The following BOLL variants were observed in gnomAD, a reference collection of about 807,000 sequenced individuals.
BOLL encodes the protein boule RNA binding protein, also known as protein boule-like.
BOLL carries 23 observed loss-of-function variants against 44.4 expected under a neutral mutation model. That is an observed-to-expected ratio of 0.52 (90% CI 0.37 to 0.73). The LOEUF (loss-of-function observed/expected upper bound fraction) is 0.73, where lower values mean the gene tolerates loss of function less well. Among genes scored for constraint, BOLL ranks in the 30% least tolerant of loss-of-function variants. The pLI, the probability that BOLL is intolerant of heterozygous loss-of-function variation, is 0.00. For missense variants in BOLL, 287 were observed against 338.3 expected (o/e 0.85, Z 1.19); for synonymous variants, 97 against 110.8 (o/e 0.88, Z 0.78).
intron 9 of BOLL, chr2:197,755,890 TTAAAA>T (rs1243807871): frequency 2.6e-5 from 4 of 152,326 alleles, no homozygotes; most frequent in Admixed American, 6.5e-5. Context: ...GTACTGGAAC[TTAAAA>T]TAATATAAAA....
intron 5 of BOLL, among the ~76,000 whole-genome samples, chr2:197,772,443 T>G (rs904290042): frequency 3.9e-5 from 6 of 152,092 alleles, no homozygotes; most frequent in Admixed American, 3.9e-4. Context: ...GCAGTAAAGT[T>G]GGAGAAGATT....
intron 10 of BOLL, among the ~76,000 whole-genome samples, chr2:197,739,044 G>T (rs1018197637): frequency 6.6e-6 from 1 of 152,074 alleles, no homozygotes; most frequent in African/African-American, 2.4e-5. Flanking sequence ...TACAGAAGTG[G>T]TTTTGGAGTT....
chr2:197,786,144 G>A (rs1690064350), upstream of BOLL: 1 of 1,295,694 alleles, frequency 7.7e-7, no homozygotes, highest in Non-Finnish European at 1.0e-6. The surrounding 1 kb of genome is among the most constrained non-coding windows in gnomAD (Gnocchi z 5.9). Flanking sequence ...GGCAGCTGCA[G>A]GGAAGCAGGC....
At chr2:197,735,432 T>C (rs1050575094) in intron 10 of BOLL, among the ~76,000 whole-genome samples, 2 of 152,176 alleles carry the variant, frequency 1.3e-5, no homozygotes, top group African/African-American at 2.4e-5. Context: ...TTCTCTATTA[T>C]TATTCACCTC....
At chr2:197,742,779 C>T (rs147498721) in intron 10 of BOLL, among the ~76,000 whole-genome samples, 2,938 of 151,936 alleles carry the variant, frequency 0.019, 83 homozygotes, top group African/African-American at 0.068. Flanking sequence ...CAAACCTGCA[C>T]ATTGTGCACA....
chr2:197,785,866 A>G, upstream of BOLL: 1 of 900,326 alleles, frequency 1.1e-6, no homozygotes, highest in Non-Finnish European at 1.8e-6. The surrounding 1 kb of genome is among the most constrained non-coding windows in gnomAD (Gnocchi z 6.7). Flanking sequence ...TTTCTTCCCA[A>G]CCAGATAGCG....
At chr2:197,734,357 T>C (rs1284842761) in intron 10 of BOLL, among the ~76,000 whole-genome samples, 1 of 152,144 alleles carries the variant, frequency 6.6e-6, no homozygotes, top group African/African-American at 2.4e-5. Context: ...ACTTTTACAC[T>C]GTTGGTGGGA....
intron 10 of BOLL, among the ~76,000 whole-genome samples, chr2:197,738,755 A>G (rs1232075726): frequency 6.6e-6 from 1 of 152,160 alleles, no homozygotes; most frequent in African/African-American, 2.4e-5. Context: ...TCCAAAGAAT[A>G]TTTCCACCTT....
chr2:197,749,633 T>A (rs1163180305), intron 9 of BOLL, among the ~76,000 whole-genome samples: 2 of 151,284 alleles, frequency 1.3e-5, no homozygotes, highest in African/African-American at 4.9e-5. Flanking sequence ...AGAAAGGATA[T>A]CAGAGATGGA....
intron 6 of BOLL, among the ~76,000 whole-genome samples, chr2:197,767,336 T>G (rs1300880740): frequency 6.6e-6 from 1 of 152,018 alleles, no homozygotes; most frequent in Non-Finnish European, 1.5e-5. Flanking sequence ...TTATATTGTT[T>G]TGTTTAATGT....
intron 9 of BOLL, among the ~76,000 whole-genome samples, chr2:197,747,082 G>T (rs1477306112): frequency 6.6e-6 from 1 of 151,890 alleles, no homozygotes; most frequent in Non-Finnish European, 1.5e-5. Context: ...CTTGAAAATT[G>T]CTAAGACTTA....
At chr2:197,777,159 T>C (rs773029311) in intron 3 of BOLL, 46 bp from the exon 4 acceptor site, 12 of 1,266,784 alleles carry the variant, frequency 9.5e-6, no homozygotes, top group Non-Finnish European at 1.1e-5. Flanking sequence ...TTTCTTAGAA[T>C]GTTATATTAA....
chr2:197,781,668 G>T, intron 2 of BOLL, 54 bp downstream of exon 2: 2 of 1,366,066 alleles, frequency 1.5e-6, no homozygotes, highest in South Asian at 2.1e-5. Flanking sequence ...TAATTTCTGA[G>T]AAATAAAGAC....
At chr2:197,773,545 T>C (rs1268286407) in intron 5 of BOLL, among the ~76,000 whole-genome samples, 1 of 151,852 alleles carries the variant, frequency 6.6e-6, no homozygotes, top group Non-Finnish European at 1.5e-5. Flanking sequence ...ATACAAAACA[T>C]ATATAAAATT....
At position 197,785,295 on chromosome 2, in the gene BOLL, C is replaced by T. The variant is rs946851720; in HGVS notation, c.-255G>A. 5.1e-6 allele frequency: 5 copies of T among 985,580 alleles called. No homozygotes were observed. Among genetic ancestry groups the T allele is most frequent in the Non-Finnish European group, 6.0e-6 (5 of 829,900 alleles). 61.1% of individuals were successfully genotyped at this position (985,580 alleles called of 1,614,324 possible). A position where few individuals can be genotyped will look rare whatever the true frequency, so the allele number is the denominator to read the frequency against. ...GGCGGGAAGCCTCAACGGCAGCGACCCCGCCGCTGGCCTCGTGCGCAGCTG... is the reference window on the plus strand; with the variant it reads ...GGCGGGAAGCCTCAACGGCAGCGACTCCGCCGCTGGCCTCGTGCGCAGCTG... On this transcript the variant is annotated 5_prime_UTR_variant, in exon 1 of 11. Coordinates refer to ENST00000392296, the MANE Select transcript of BOLL (RefSeq NM_033030.6). The surrounding 1 kb of genome is among the most constrained non-coding windows in gnomAD (Gnocchi z 6.7).
At chr2:197,773,747 T>A (rs1689376098) in intron 5 of BOLL, among the ~76,000 whole-genome samples, 1 of 151,862 alleles carries the variant, frequency 6.6e-6, no homozygotes, top group Admixed American at 6.6e-5. Context: ...AAGGGAAGAA[T>A]ACCTCAAAAT....
At chr2:197,741,244 T>C (rs1321564347) in intron 10 of BOLL, among the ~76,000 whole-genome samples, 2 of 152,192 alleles carry the variant, frequency 1.3e-5, no homozygotes, top group Non-Finnish European at 2.9e-5. Context: ...TTTGAAGCAA[T>C]TGTGAATGGG....
rs145818053 is a variant in BOLL, at chr2:197,776,069, C to T, written c.277-329G>A. On this transcript the variant is annotated intron_variant, in intron 4 of 10. Coordinates refer to ENST00000392296, the MANE Select transcript of BOLL (RefSeq NM_033030.6). The stretch of plus-strand genomic sequence containing the variant: ...TTATTAGTGGACACGTGAAGAGCGG[C>T]GGAAAATTTGAGTAGCCTGATGCGC... Among the ~76,000 whole-genome samples, 62 of 151,912 alleles carry T rather than the reference C, an allele frequency of 4.1e-4. No individual in the cohort carries two copies. The East Asian group carries it at 8.9e-3, about 22-fold the overall frequency.
chr2:197,747,106 G>A (rs1309078555), intron 9 of BOLL, among the ~76,000 whole-genome samples: 6 of 152,002 alleles, frequency 3.9e-5, no homozygotes, highest in African/African-American at 7.2e-5. Flanking sequence ...TACCTTAAAT[G>A]TTCTCACCAC....
Sources: gnomAD v4.1 joint callset for allele counts (sites outside exome capture counted in the v4.1 genomes callset) on GRCh38, gnomAD v4.1.1 for gene constraint, Gnocchi (gnomAD v3.1) non-coding constraint, MANE v1.5 for transcripts, NCBI Gene and HGNC (gene_info 2026-07-23, HGNC 2026-07-21) for gene names.